Variants in TIMP3 observed in about 807,000 individuals in gnomAD.
The protein encoded by TIMP3 is TIMP metallopeptidase inhibitor 3.
TIMP3 carries 11 observed loss-of-function variants against 30.0 expected under a neutral mutation model. The observed-to-expected ratio is 0.37, with a 90% CI of 0.23 to 0.61. The LOEUF (loss-of-function observed/expected upper bound fraction) is 0.61. Among genes scored for constraint, TIMP3 ranks in the 20% least tolerant of loss-of-function variants. The pLI is 0.70. For missense variants in TIMP3, 181 were observed against 276.8 expected (o/e 0.65, Z 2.45); for synonymous variants, 112 against 111.3 (o/e 1.01, Z -0.04).
chr22:32,833,799 G>GC (rs1374783952), intron 1 of TIMP3: 1 of 499,926 alleles, frequency 2.0e-6, no homozygotes, highest in South Asian at 1.4e-5. Context: ...ACTTTATAGG[G>GC]CCCTAGTGAG....
At chr22:32,847,032 G>T (rs1160195913) in intron 1 of TIMP3, among the ~76,000 whole-genome samples, 4 of 152,112 alleles carry the variant, frequency 2.6e-5, no homozygotes, top group African/African-American at 9.7e-5. Flanking sequence ...AGCCATTTTT[G>T]AACCAGGATG....
At position 32,838,406 on chromosome 22, in the gene TIMP3, C is replaced by T. The variant is rs57548157; in HGVS notation, c.122-11046C>T. 8.5e-3 allele frequency among the ~76,000 whole-genome samples: 1,297 copies of T among 152,222 alleles called. 21 individuals are homozygous for T. The highest frequency in any genetic ancestry group is 0.03 in the African/African-American group (1,226 of 41,530). On this transcript the variant is annotated intron_variant, in intron 1 of 4. Coordinates refer to ENST00000266085, the MANE Select transcript of TIMP3 (RefSeq NM_000362.5). ...AGAGGGGCAGCTGGAGGCCAGAGGG[C>T]CTGCAGAGGAGTCAGCAGGTCTAGC...
At chr22:32,809,374 A>G (rs2046850476) in intron 1 of TIMP3, among the ~76,000 whole-genome samples, 1 of 152,272 alleles carries the variant, frequency 6.6e-6, no homozygotes, top group Admixed American at 6.5e-5. Context: ...CAGTCTGCTT[A>G]TCTTTGGTTT....
chr22:32,806,269 C>G (rs2046733188), intron 1 of TIMP3, among the ~76,000 whole-genome samples: 1 of 152,084 alleles, frequency 6.6e-6, no homozygotes, highest in Non-Finnish European at 1.5e-5. Flanking sequence ...TTCACAGTCC[C>G]TGGATAGATA....
At chr22:32,843,897 A>T (rs1403747968) in intron 1 of TIMP3, among the ~76,000 whole-genome samples, 1 of 151,930 alleles carries the variant, frequency 6.6e-6, no homozygotes, top group Admixed American at 6.6e-5. Context: ...AAATCATTCT[A>T]TGGGGTCTTT....
At chr22:32,854,775 G>A (rs151161846) in intron 2 of TIMP3, among the ~76,000 whole-genome samples, 17 of 152,270 alleles carry the variant, frequency 1.1e-4, no homozygotes, top group South Asian at 8.3e-4. Flanking sequence ...CTGCGTTACC[G>A]TGCTCAGTTG....
chr22:32,841,366 T>C (rs1380689902), intron 1 of TIMP3, among the ~76,000 whole-genome samples: 2 of 152,152 alleles, frequency 1.3e-5, no homozygotes, highest in Non-Finnish European at 2.9e-5. Context: ...GGAATGTGCA[T>C]GGATCAGGAT....
chr22:32,807,378 A>AATATATATATATTATATTTAC (rs1409769451), intron 1 of TIMP3, among the ~76,000 whole-genome samples: 1 of 108,242 alleles, frequency 9.2e-6, no homozygotes, highest in African/African-American at 4.1e-5. Flanking sequence ...TATTATATAT[A>AATATATATATATTATATTTAC]ATATATATTA....
At chr22:32,817,007 C>T (rs1219814418) in intron 1 of TIMP3, among the ~76,000 whole-genome samples, 1 of 150,950 alleles carries the variant, frequency 6.6e-6, no homozygotes, top group African/African-American at 2.4e-5. Context: ...CGCTTGAGCC[C>T]AGGAATTGAA....
chr22:32,813,767 T>C (rs911324516), intron 1 of TIMP3, among the ~76,000 whole-genome samples: 13 of 152,114 alleles, frequency 8.5e-5, no homozygotes, highest in African/African-American at 2.9e-4. Flanking sequence ...GCCTCGTTCA[T>C]GGCTAGTTGC....
chr22:32,837,534 C>T lies in TIMP3; in HGVS notation c.122-11918C>T, dbSNP rs1569264788. 1.3e-5 allele frequency among the ~76,000 whole-genome samples: 2 copies of T among 152,076 alleles called. No individual in the cohort carries two copies. The highest frequency in any genetic ancestry group is 2.1e-4 in the South Asian group (1 of 4,810). On this transcript the variant is annotated intron_variant, in intron 1 of 4. Transcript: ENST00000266085. This position sits in a 1 kb window ranked among gnomAD's most constrained non-coding sequence, Gnocchi z 4.1. ...GGGCTTGAGGGGAGACAGGGTACGG[C>T]GGGAGACAGAGATGCATGAAATACT...
intron 1 of TIMP3, among the ~76,000 whole-genome samples, chr22:32,824,699 C>G (rs1351591719): frequency 6.6e-6 from 1 of 152,130 alleles, no homozygotes; most frequent in African/African-American, 2.4e-5. Flanking sequence ...TATGATGACT[C>G]CCTTCATAGG....
At chr22:32,809,109 A>G (rs933104908) in intron 1 of TIMP3, among the ~76,000 whole-genome samples, 2 of 152,228 alleles carry the variant, frequency 1.3e-5, no homozygotes, top group South Asian at 2.1e-4. Context: ...TGTGCCAGGC[A>G]CTGTACCAAG....
At chr22:32,831,309 C>A (rs2047567097) in intron 1 of TIMP3, among the ~76,000 whole-genome samples, 2 of 152,134 alleles carry the variant, frequency 1.3e-5, no homozygotes, top group Admixed American at 1.3e-4. Context: ...TGGATGGTGT[C>A]CCTGGGAATT....
At chr22:32,842,981 G>A (rs766295816) in intron 1 of TIMP3, among the ~76,000 whole-genome samples, 3 of 152,188 alleles carry the variant, frequency 2.0e-5, no homozygotes, top group Non-Finnish European at 4.4e-5. Flanking sequence ...ATCCTCTGCA[G>A]TGAAAGTGGG....
At chr22:32,807,105 GC>G (rs1301811221) in intron 1 of TIMP3, among the ~76,000 whole-genome samples, 1 of 150,356 alleles carries the variant, frequency 6.7e-6, no homozygotes. Flanking sequence ...TCTCCTGACT[GC>G]CCCCCTGGCT....
chr22:32,821,817 T>TC (rs1030452263), intron 1 of TIMP3, among the ~76,000 whole-genome samples: 1 of 152,114 alleles, frequency 6.6e-6, no homozygotes, highest in Non-Finnish European at 1.5e-5. Context: ...GCCTCATGGT[T>TC]CCCCCGTCAC....
intron 1 of TIMP3, among the ~76,000 whole-genome samples, chr22:32,848,486 G>A (rs935061455): frequency 6.6e-6 from 1 of 152,170 alleles, no homozygotes; most frequent in Non-Finnish European, 1.5e-5. Context: ...ACAGTTAAGA[G>A]CAGTAAATAA....
At position 32,859,298 on chromosome 22, in the gene TIMP3, G is replaced by A. The variant is rs765470296; in HGVS notation, c.557G>A (p.Arg186Gln). Reference sequence around the variant, plus strand: ...CAGTCCAAACACTACGCCTGCATCCGGCAGAAGGGCGGCTACTGCAGCTGG... The same window carrying A: ...CAGTCCAAACACTACGCCTGCATCCAGCAGAAGGGCGGCTACTGCAGCTGG... Reference protein sequence around the residue: ...GYQSKHYACIRQKGGYCSWYR... With the variant: ...GYQSKHYACIQQKGGYCSWYR... The change falls in exon 5 of 5, where the codon CGG becomes CAG. Residue 186 changes from arginine (R) to glutamine (Q), a missense_variant. This residue lies in a region of TIMP3 where 47 missense variants were observed against 63.8 expected (regional missense o/e 0.74). Transcript: ENST00000266085. 55 of 1,613,956 alleles carry A rather than the reference G, an allele frequency of 3.4e-5. No individual in the cohort carries two copies. Among genetic ancestry groups the A allele is most frequent in the Non-Finnish European group, 4.5e-5 (53 of 1,180,040 alleles).
Sources: gnomAD v4.1 joint callset for allele counts (sites outside exome capture counted in the v4.1 genomes callset) on GRCh38, gnomAD v4.1.1 for gene constraint, gnomAD v4.1.1 regional missense constraint, Gnocchi (gnomAD v3.1) non-coding constraint, MANE v1.5 for transcripts, NCBI Gene and HGNC (gene_info 2026-07-23, HGNC 2026-07-21) for gene names.